The following ZNF135 variants were observed in gnomAD, a reference collection of about 807,000 sequenced individuals.
ZNF135 encodes zinc finger protein 135 (clone pHZ-17).
Under a neutral mutation model 12.3 loss-of-function variants are expected in ZNF135, and 11 were observed. The ratio of observed to expected loss-of-function variants is 0.89; its 90% CI spans 0.56 to 1.48. The LOEUF is 1.48. Ranked by LOEUF, ZNF135 falls within the 40% of genes most tolerant of loss-of-function variation. ZNF135 has a pLI of 0.00. For missense variants in ZNF135, 722 were observed against 815.7 expected, an observed-to-expected ratio of 0.89 and a Z score of 1.40; for synonymous variants, 316 against 312.0, an observed-to-expected ratio of 1.01 and a Z score of -0.14.
chr19:58,061,595 G>C lies in ZNF135; in HGVS notation c.49G>C (p.Glu17Gln), dbSNP rs1167895114. The C allele has an allele frequency of 1.9e-6, 3 of 1,613,030 alleles. No homozygotes were observed. Among genetic ancestry groups the C allele is most frequent in the Non-Finnish European group, 2.5e-6 (3 of 1,179,564 alleles). ...VSTDPEQVTF[E>Q]DVVVGFSQEE... ...GATGTTTCAGGAGCAAGTGACGTTT[G>C]AGGACGTGGTAGTGGGCTTCAGCCA... The change falls in exon 3 of 5, where the codon GAG becomes CAG. Residue 17 changes from glutamate (E) to glutamine (Q), a missense_variant. Coordinates refer to ENST00000313434, the MANE Select transcript of ZNF135 (RefSeq NM_001289401.2).
Position 58,061,630 on chromosome 19 carries a change from G to A in ZNF135, c.84G>A (p.Trp28Ter), listed in dbSNP as rs758079115. The A allele has an allele frequency of 1.9e-6, 3 of 1,613,552 alleles. No individual in the cohort carries two copies. The Admixed American group carries it at 5.0e-5, about 27-fold the overall frequency. The change falls in exon 3 of 5, where the codon TGG becomes TGA. Residue 28 changes from tryptophan to a stop codon, truncating the protein, a stop_gained. Transcript: ENST00000313434. LOFTEE classifies it high-confidence loss of function. ...TAGTGGGCTTCAGCCAGGAGGAGTG[G>A]GGGCAGCTGAAGCCTGCCCAGAGGA... ...DVVVGFSQEE[W>*]GQLKPAQRTL... is the part of the protein sequence containing the mutation.
At chr19:58,061,547 G>A in intron 2 of ZNF135, 33 bp from the exon 3 acceptor site, 6 of 1,596,524 alleles carry the variant, frequency 3.8e-6, no homozygotes, top group Non-Finnish European at 5.1e-6. Flanking sequence ...TGCCAGGGTT[G>A]GCTTGGCTGA....
rs1422403828 is a variant in ZNF135 at position 58,060,987 on chromosome 19, G to T, written c.34-593G>T. ...TAAAAATACAAAAAAAAATTAGCCG[G>T]GGGGGTGGCGGGCGCCTGTAGTCCC... On this transcript the variant is annotated intron_variant, in intron 2 of 4. Coordinates refer to ENST00000313434, the MANE Select transcript of ZNF135 (RefSeq NM_001289401.2). This position sits in a 1 kb window ranked among gnomAD's most constrained non-coding sequence, Gnocchi z 4.9. Among the ~76,000 whole-genome samples the T allele has an allele frequency of 6.6e-6, 1 of 151,956 alleles. No individual in the cohort carries two copies. Among genetic ancestry groups the T allele is most frequent in the African/African-American group, 2.4e-5 (1 of 41,360 alleles).
At position 58,065,759 on chromosome 19, in the gene ZNF135, T is replaced by C. The variant is rs2074055978; in HGVS notation, c.257-982T>C. ...CCCATGTAATTGGAAACATACAGGT[T>C]ATAGGGTTAGGATGTGGGCATCTTG... is the stretch of plus-strand genomic sequence containing the variant. On this transcript the variant is annotated intron_variant, in intron 4 of 4. Coordinates refer to ENST00000313434, the MANE Select transcript of ZNF135 (RefSeq NM_001289401.2). This position sits in a 1 kb window ranked among gnomAD's most constrained non-coding sequence, Gnocchi z 4.0. Among the ~76,000 whole-genome samples, 1 of 152,182 alleles carries C rather than the reference T, an allele frequency of 6.6e-6. No homozygotes were observed. Among genetic ancestry groups the C allele is most frequent in the South Asian group, 2.1e-4 (1 of 4,828 alleles).
rs2074017597 is a variant in ZNF135, at chr19:58,063,546, G to A, written c.256+5G>A. 1 of 1,614,120 alleles carries A rather than the reference G, an allele frequency of 6.2e-7. No individual in the cohort carries two copies. The highest frequency in any genetic ancestry group is 8.5e-7 in the Non-Finnish European group (1 of 1,179,968). ...TTCCCCAAGGCGTGTACCCAGGTGA[G>A]ATGGGAGCCCTTCGGGGCAGAGAGA... is the stretch of plus-strand genomic sequence containing the variant. On this transcript the variant is annotated splice_donor_5th_base_variant and intron_variant, in intron 4 of 4. Transcript: ENST00000313434. The surrounding 1 kb of genome is among the most constrained non-coding windows in gnomAD (Gnocchi z 4.4).
At position 58,068,833 on chromosome 19, in the gene ZNF135, A is replaced by G. The variant is rs1339337014; in HGVS notation, c.*372A>G. The G allele has an allele frequency of 5.2e-6, 1 of 191,504 alleles. No homozygotes were observed. The highest frequency in any genetic ancestry group is 5.2e-5 in the Admixed American group (1 of 19,100). 11.9% of individuals were successfully genotyped at this position (191,504 alleles called of 1,614,324 possible). A position where few individuals can be genotyped will look rare whatever the true frequency, so the allele number is the denominator to read the frequency against. ...CGTATTCCAAACCAGAGATGTTCAA[A>G]TTGGTGAGAAACCCAACAAATGCCT... On this transcript the variant is annotated 3_prime_UTR_variant, in exon 5 of 5. Coordinates refer to ENST00000313434, the MANE Select transcript of ZNF135 (RefSeq NM_001289401.2).
rs770777225 is a variant in ZNF135, at chr19:58,068,305, G to A, written c.1821G>A (p.Glu607=). The part of the protein sequence containing the change: ...ERTHTGEKPY[E]CHDCGKSFRQ... Reference sequence around the variant, plus strand: ...CGCACACTGGGGAAAAGCCCTATGAGTGTCACGATTGCGGAAAGTCCTTTA... The same window carrying A: ...CGCACACTGGGGAAAAGCCCTATGAATGTCACGATTGCGGAAAGTCCTTTA... The change falls in exon 5 of 5, where the codon GAG becomes GAA. Residue 607 remains glutamate, a synonymous_variant. Coordinates refer to ENST00000313434, the MANE Select transcript of ZNF135 (RefSeq NM_001289401.2). 2.5e-6 allele frequency: 4 copies of A among 1,613,778 alleles called. No homozygotes were observed. In the Admixed American group the frequency reaches 6.7e-5, roughly 27 times the overall value.
chr19:58,059,431 G>C lies in ZNF135; in HGVS notation c.-35+121G>C. 2.0e-5 allele frequency: 22 copies of C among 1,099,772 alleles called. No homozygotes were observed. Among genetic ancestry groups the C allele is most frequent in the Non-Finnish European group, 2.6e-5 (21 of 812,002 alleles). 68.1% of individuals were successfully genotyped at this position (1,099,772 alleles called of 1,614,324 possible). Reference sequence around the variant, plus strand: ...GGCGAGTTTCCAGCAGCGCGCGTCTGTGTGGAGTCCGTTTTGCTGCCCGGG... The same window carrying C: ...GGCGAGTTTCCAGCAGCGCGCGTCTCTGTGGAGTCCGTTTTGCTGCCCGGG... On this transcript the variant is annotated intron_variant, in intron 1 of 4. Coordinates refer to ENST00000313434, the MANE Select transcript of ZNF135 (RefSeq NM_001289401.2). This position sits in a 1 kb window ranked among gnomAD's most constrained non-coding sequence, Gnocchi z 6.5.
In ZNF135 at chr19:58,067,148, G is replaced by T; in HGVS notation, c.664G>T (p.Ala222Ser). 1.2e-6 allele frequency: 2 copies of T among 1,614,216 alleles called. No homozygotes were observed. Among genetic ancestry groups the T allele is most frequent in the Non-Finnish European group, 8.5e-7 (1 of 1,180,042 alleles). The change falls in exon 5 of 5, where the codon GCC becomes TCC. Residue 222 changes from alanine (A) to serine (S), a missense_variant. Transcript: ENST00000313434. Reference protein sequence around the residue: ...KPYKCQECGKAFSHSSALIEH... With the variant: ...KPYKCQECGKSFSHSSALIEH... ...CTACAAATGTCAGGAATGCGGAAAG[G>T]CCTTTAGTCACAGCTCAGCACTTAT...
At position 58,067,417 on chromosome 19, in the gene ZNF135, C is replaced by T. The variant is rs1394133382; in HGVS notation, c.933C>T (p.Ser311=). 1.2e-6 allele frequency: 2 copies of T among 1,613,978 alleles called. No individual in the cohort carries two copies. Among genetic ancestry groups the T allele is most frequent in the East Asian group, 4.5e-5 (2 of 44,852 alleles). Residue 311 remains serine (S), a synonymous_variant, in exon 5 of 5, where the codon TCC becomes TCT. Coordinates refer to ENST00000313434, the MANE Select transcript of ZNF135 (RefSeq NM_001289401.2). ...GTGGGAAATCCTTCAGTTTTAGGTC[C>T]TCCTTCAGCCAGCACGAGCGAACTC... ...SECGKSFSFR[S]SFSQHERTHT...
rs569540723 is a variant in ZNF135 at position 58,069,246 on chromosome 19, C to T, written c.*785C>T. 3 of 152,298 alleles carry T rather than the reference C, an allele frequency of 2.0e-5. No homozygotes were observed. Among genetic ancestry groups the T allele is most frequent in the Non-Finnish European group, 2.9e-5 (2 of 68,042 alleles). The allele number at this position is 152,298 out of a possible 1,614,324, so 9.4% of individuals were successfully genotyped here. A position where few individuals can be genotyped will look rare whatever the true frequency, so the allele number is the denominator to read the frequency against. ...AAGACTCAAAATGTAAAGCTGCTTC[C>T]GTAGAGTCTCACTGATTCTGAGATG... On this transcript the variant is annotated 3_prime_UTR_variant, in exon 5 of 5. Coordinates refer to ENST00000313434, the MANE Select transcript of ZNF135 (RefSeq NM_001289401.2).
chr19:58,063,595 GT>G lies in ZNF135; in HGVS notation c.256+57del, dbSNP rs778310684. The G allele has an allele frequency of 1.2e-6, 2 of 1,609,470 alleles. No individual in the cohort carries two copies. The highest frequency in any genetic ancestry group is 1.7e-6 in the Non-Finnish European group (2 of 1,177,458). ...GAAGCCTGTCCATGCTTGCTTCCTG[GT>G]TTCTCCCTCTGCATCTGCTCTCTAA... On this transcript the variant is annotated intron_variant, in intron 4 of 4. Transcript: ENST00000313434. The surrounding 1 kb of genome is among the most constrained non-coding windows in gnomAD (Gnocchi z 4.4).
rs907551494 is a variant in ZNF135, at chr19:58,063,363, G to C, written c.161-83G>C. ...AGGGGTCCCCAGCCATCTGGGACCT[G>C]GAAGACCAAAGGTGGAATGGGCTGA... On this transcript the variant is annotated intron_variant, in intron 3 of 4. Coordinates refer to ENST00000313434, the MANE Select transcript of ZNF135 (RefSeq NM_001289401.2). This position sits in a 1 kb window ranked among gnomAD's most constrained non-coding sequence, Gnocchi z 4.4. 4 of 1,582,058 alleles carry C rather than the reference G, an allele frequency of 2.5e-6. No individual in the cohort carries two copies. The African/African-American group carries it at 5.4e-5, about 21-fold the overall frequency.
At position 58,067,767 on chromosome 19, in the gene ZNF135, A is replaced by G. The variant is rs1387790115; in HGVS notation, c.1283A>G (p.His428Arg). The G allele has an allele frequency of 1.2e-6, 2 of 1,614,188 alleles. No homozygotes were observed. The highest frequency in any genetic ancestry group is 1.1e-5 in the South Asian group (1 of 91,082). Reference sequence around the variant, plus strand: ...AGTCAGAGCACACTCCTGACCGAGCATCGGAGGATTCACACAGGAGAGAAG... The same window carrying G: ...AGTCAGAGCACACTCCTGACCGAGCGTCGGAGGATTCACACAGGAGAGAAG... ...AFSQSTLLTE[H>R]RRIHTGEKPY... The change falls in exon 5 of 5, where the codon CAT becomes CGT. Residue 428 changes from histidine to arginine, a missense_variant. By Grantham distance (29) the His-to-Arg change is conservative. Transcript: ENST00000313434.
Position 58,068,549 on chromosome 19 carries a change from A to G in ZNF135, c.*88A>G, listed in dbSNP as rs1402316787. 4 of 1,460,686 alleles carry G rather than the reference A, an allele frequency of 2.7e-6. No homozygotes were observed. The highest frequency in any genetic ancestry group is 3.7e-6 in the Non-Finnish European group (4 of 1,082,718). 90.5% of individuals were successfully genotyped at this position (1,460,686 alleles called of 1,614,324 possible). ...TTTGACCCAATCATACACATGAGAA[A>G]CGTACATTCATACACAAGCCTTTTC... On this transcript the variant is annotated 3_prime_UTR_variant, in exon 5 of 5. Coordinates refer to ENST00000313434, the MANE Select transcript of ZNF135 (RefSeq NM_001289401.2).
In ZNF135 at chr19:58,059,536, C is replaced by A. The variant is rs1406929993; in HGVS notation, c.-35+226C>A. 1.3e-5 allele frequency among the ~76,000 whole-genome samples: 2 copies of A among 152,114 alleles called. No individual in the cohort carries two copies. Among genetic ancestry groups the A allele is most frequent in the African/African-American group, 4.8e-5 (2 of 41,438 alleles). On this transcript the variant is annotated intron_variant, in intron 1 of 4. Transcript: ENST00000313434. This position sits in a 1 kb window ranked among gnomAD's most constrained non-coding sequence, Gnocchi z 6.5. ...AGTCTGAGAGGAGGGCGGGGCCCAA[C>A]GCCCAGCTGGACAGGAGCTGCTCCG...
At position 58,059,377 on chromosome 19, in the gene ZNF135, G is replaced by A. The variant is rs1009706366; in HGVS notation, c.-35+67G>A. ...GGCCGGGCCGGGCCGGGTGCGGGGG[G>A]TCCGGGGATCTTCCTGAGGCCCTGG... On this transcript the variant is annotated intron_variant, in intron 1 of 4. Transcript: ENST00000313434. The surrounding 1 kb of genome is among the most constrained non-coding windows in gnomAD (Gnocchi z 6.5). 3 of 851,818 alleles carry A rather than the reference G, an allele frequency of 3.5e-6. No homozygotes were observed. Among genetic ancestry groups the A allele is most frequent in the East Asian group, 3.0e-5 (1 of 33,694 alleles). 52.8% of individuals were successfully genotyped at this position (851,818 alleles called of 1,614,324 possible). A position where few individuals can be genotyped will look rare whatever the true frequency, so the allele number is the denominator to read the frequency against.
In ZNF135 at chr19:58,067,444, C is replaced by T; in HGVS notation, c.960C>T (p.His320=). The T allele has an allele frequency of 1.2e-6, 2 of 1,614,192 alleles. No homozygotes were observed. The highest frequency in any genetic ancestry group is 1.7e-6 in the Non-Finnish European group (2 of 1,180,022). ...CCTTCAGCCAGCACGAGCGAACTCACACAGGCGAGAAGCCCTACGAGTGCA... is the reference window on the plus strand; with the variant it reads ...CCTTCAGCCAGCACGAGCGAACTCATACAGGCGAGAAGCCCTACGAGTGCA... The part of the protein sequence containing the change: ...RSSFSQHERT[H]TGEKPYECSE... Residue 320 remains histidine, a synonymous_variant, in exon 5 of 5, where the codon CAC becomes CAT. Transcript: ENST00000313434.
At chr19:58,061,855 G>A in intron 3 of ZNF135, 149 bp downstream of exon 3, 1 of 1,060,090 alleles carries the variant, frequency 9.4e-7, no homozygotes. Flanking sequence ...TTTAATGTAG[G>A]AAATATCAAT....
Sources: gnomAD v4.1 joint callset for allele counts (sites outside exome capture counted in the v4.1 genomes callset) on GRCh38, gnomAD v4.1.1 for gene constraint, Gnocchi (gnomAD v3.1) non-coding constraint, MANE v1.5 for transcripts, NCBI Gene and HGNC (gene_info 2026-07-23, HGNC 2026-07-21) for gene names.